Variants in C5orf15 observed in about 807,000 individuals in gnomAD.
C5orf15 encodes the protein chromosome 5 open reading frame 15, also known as keratinocyte-associated transmembrane protein 2.
Under a neutral mutation model 17.8 loss-of-function variants are expected in C5orf15, and 10 were observed. The ratio of observed to expected loss-of-function variants is 0.56; its 90% CI spans 0.35 to 0.95. The LOEUF is 0.95. Ranked by LOEUF, C5orf15 falls within the 40% of genes least tolerant of loss-of-function variation. C5orf15 has a pLI of 0.02. For missense variants in C5orf15, 319 were observed against 331.7 expected, an observed-to-expected ratio of 0.96 and a Z score of 0.30; for synonymous variants, 124 against 131.0, an observed-to-expected ratio of 0.95 and a Z score of 0.36.
chr5:133,961,283 CGCCTGTAATCCCAGCACTTTGG>C (rs1246780278), intron 1 of C5orf15, among the ~76,000 whole-genome samples: 1 of 142,600 alleles, frequency 7.0e-6, no homozygotes, highest in East Asian at 2.0e-4. Flanking sequence ...CTGTGGCTCA[CGCCTGTAATCCCAGCACTTTGG>C]GAGGCCGAGG....
Position 133,956,784 on chromosome 5 carries a change from T to A in C5orf15, c.*75A>T. ...CTCTCATTTAAGTACCAATTGCCTA[T>A]GGCAAACATTTGCACAATATCATAT... is the stretch of plus-strand genomic sequence containing the variant. On this transcript the variant is annotated 3_prime_UTR_variant, in exon 3 of 3. Coordinates refer to ENST00000231512, the MANE Select transcript of C5orf15 (RefSeq NM_020199.3). The A allele has an allele frequency of 6.8e-7, 1 of 1,465,534 alleles. No homozygotes were observed. Among genetic ancestry groups the A allele is most frequent in the Non-Finnish European group, 9.1e-7 (1 of 1,100,384 alleles). The allele number at this position is 1,465,534 out of a possible 1,614,324, so 90.8% of individuals were successfully genotyped here. A position where few individuals can be genotyped will look rare whatever the true frequency, so the allele number is the denominator to read the frequency against.
chr5:133,961,232 T>TTA (rs1450707193), intron 1 of C5orf15, among the ~76,000 whole-genome samples: 50 of 30,438 alleles, frequency 1.6e-3, no homozygotes, highest in Admixed American at 2.0e-3. Context: ...AGTCAGTTAG[T>TTA]AAAAAAAAAA....
chr5:133,965,068 T>A (rs149914460), intron 1 of C5orf15, among the ~76,000 whole-genome samples: 23 of 152,232 alleles, frequency 1.5e-4, no homozygotes, highest in Non-Finnish European at 3.2e-4. Context: ...CTGGCCCCCA[T>A]TACCTCACTC....
intron 2 of C5orf15, among the ~76,000 whole-genome samples, chr5:133,958,653 T>C (rs2126876289): frequency 6.7e-6 from 1 of 148,526 alleles, no homozygotes; most frequent in South Asian, 2.1e-4. Flanking sequence ...CCTATATGTA[T>C]AAATTATATG....
rs1440258977 is a variant in C5orf15, at chr5:133,959,702, T to C, written c.458A>G (p.Tyr153Cys). The part of the protein sequence containing the change: ...LDNGDYGEPD[Y>C]DWTTGPRDDD... ...GTCCCTGGGGCCCGTGGTCCAGTCA[T>C]AGTCTGGTTCTCCATAATCGCCATT... Residue 153 changes from tyrosine (Y) to cysteine (C), a missense_variant, in exon 2 of 3, where the codon TAT becomes TGT. Tyr to Cys is a radical substitution (Grantham distance 194). Transcript: ENST00000231512. 1 of 1,613,644 alleles carries C rather than the reference T, an allele frequency of 6.2e-7. No homozygotes were observed. Among genetic ancestry groups the C allele is most frequent in the Non-Finnish European group, 8.5e-7 (1 of 1,179,726 alleles).
rs916844551 is a variant in C5orf15, at chr5:133,957,791, C to T, written c.667-801G>A. ...TTTGTCAGGTAAGGAAATCAAGGCC[C>T]CGAAGGGGAAGGTGGCTTACAGTGT... On this transcript the variant is annotated intron_variant, in intron 2 of 2. Transcript: ENST00000231512. Among the ~76,000 whole-genome samples, 11 of 152,160 alleles carry T rather than the reference C, an allele frequency of 7.2e-5. No individual in the cohort carries two copies. The East Asian group carries it at 1.5e-3, about 21-fold the overall frequency.
At chr5:133,966,091 G>A (rs773378803) in intron 1 of C5orf15, among the ~76,000 whole-genome samples, 1 of 151,712 alleles carries the variant, frequency 6.6e-6, no homozygotes, top group Non-Finnish European at 1.5e-5. Context: ...GGTGTGGTGC[G>A]CGCCTGTAGT....
rs539108232 is a variant in C5orf15, at chr5:133,960,044, AC to A, written c.140-25del. Reference sequence around the variant, plus strand: ...AACTGAAACAAACAAAGAATATCAAACTGAAATCTCCAACTTTATCTCCACC... The same window carrying A: ...AACTGAAACAAACAAAGAATATCAAATGAAATCTCCAACTTTATCTCCACC... On this transcript the variant is annotated intron_variant, in intron 1 of 2. Coordinates refer to ENST00000231512, the MANE Select transcript of C5orf15 (RefSeq NM_020199.3). The A allele has an allele frequency of 1.2e-5, 18 of 1,555,008 alleles. No individual in the cohort carries two copies. In the East Asian group the frequency reaches 4.1e-4, roughly 35 times the overall value.
At chr5:133,965,648 G>A (rs1294721723) in intron 1 of C5orf15, among the ~76,000 whole-genome samples, 5 of 152,306 alleles carry the variant, frequency 3.3e-5, no homozygotes, top group South Asian at 2.1e-4. Flanking sequence ...AGCTTAGGCC[G>A]GACACGGTGG....
intron 2 of C5orf15, among the ~76,000 whole-genome samples, chr5:133,958,406 G>A (rs1403763031): frequency 1.3e-5 from 2 of 151,510 alleles, no homozygotes; most frequent in East Asian, 1.9e-4. Flanking sequence ...GCAAAACCCC[G>A]TCTCTACTAA....
chr5:133,959,428 A>AAAAT, intron 2 of C5orf15, 66 bp downstream of exon 2: 1 of 612,444 alleles, frequency 1.6e-6, no homozygotes, highest in Non-Finnish European at 2.4e-6. Flanking sequence ...AAAAAAAAAA[A>AAAAT]GAACCATGAA....
At chr5:133,963,982 G>C (rs956110917) in intron 1 of C5orf15, among the ~76,000 whole-genome samples, 1 of 152,156 alleles carries the variant, frequency 6.6e-6, no homozygotes, top group African/African-American at 2.4e-5. Flanking sequence ...ACTTTGGGAG[G>C]CCAAGGCAGG....
chr5:133,957,261 G>A (rs1021667932), intron 2 of C5orf15, among the ~76,000 whole-genome samples: 3 of 151,906 alleles, frequency 2.0e-5, no homozygotes, highest in Admixed American at 2.0e-4. Context: ...CTACTCAGGA[G>A]GCTAAGGTGG....
chr5:133,956,815 G>A lies in C5orf15; in HGVS notation c.*44C>T, dbSNP rs374778255. 1 of 1,555,910 alleles carries A rather than the reference G, an allele frequency of 6.4e-7. No homozygotes were observed. Among genetic ancestry groups the A allele is most frequent in the Non-Finnish European group, 8.7e-7 (1 of 1,154,346 alleles). On this transcript the variant is annotated 3_prime_UTR_variant, in exon 3 of 3. Coordinates refer to ENST00000231512, the MANE Select transcript of C5orf15 (RefSeq NM_020199.3). ...ACATTTGCACAATATCATATAAAAA[G>A]TCAAGCAAATAAAATTACATAAGCA...
At chr5:133,960,571 C>T (rs988624429) in intron 1 of C5orf15, among the ~76,000 whole-genome samples, 1 of 152,082 alleles carries the variant, frequency 6.6e-6, no homozygotes, top group African/African-American at 2.4e-5. Flanking sequence ...AGAGGACTCC[C>T]TCTCCTAAAT....
intron 1 of C5orf15, 34 bp downstream of exon 1, chr5:133,968,412 G>C (rs776475607): frequency 1.9e-6 from 3 of 1,594,324 alleles, no homozygotes; most frequent in Admixed American, 1.7e-5. Context: ...AGCCCTCCTA[G>C]CCTTCCTAAG....
At position 133,955,775 on chromosome 5, in the gene C5orf15, C is replaced by T. The variant is rs1017851877; in HGVS notation, c.*1084G>A. The stretch of plus-strand genomic sequence containing the variant: ...TGTTTTCTAAAAAGCTGTAGTGACA[C>T]TTGTAAGTCAACCATGGTTCAAATC... On this transcript the variant is annotated 3_prime_UTR_variant, in exon 3 of 3. Coordinates refer to ENST00000231512, the MANE Select transcript of C5orf15 (RefSeq NM_020199.3). 21 of 152,482 alleles carry T rather than the reference C, an allele frequency of 1.4e-4. No individual in the cohort carries two copies. The highest frequency in any genetic ancestry group is 5.1e-4 in the African/African-American group (21 of 41,444). 9.4% of individuals were successfully genotyped at this position (152,482 alleles called of 1,614,324 possible). A position where few individuals can be genotyped will look rare whatever the true frequency, so the allele number is the denominator to read the frequency against.
At chr5:133,963,144 T>C (rs1218468222) in intron 1 of C5orf15, among the ~76,000 whole-genome samples, 1 of 152,238 alleles carries the variant, frequency 6.6e-6, no homozygotes, top group African/African-American at 2.4e-5. Flanking sequence ...CTGTTGGCAA[T>C]TAAAATTGTT....
At chr5:133,963,909 T>C (rs898415000) in intron 1 of C5orf15, among the ~76,000 whole-genome samples, 3 of 152,168 alleles carry the variant, frequency 2.0e-5, no homozygotes, top group African/African-American at 7.2e-5. Context: ...TACCATAGAA[T>C]ATTACTCAGC....
Sources: gnomAD v4.1 joint callset for allele counts (sites outside exome capture counted in the v4.1 genomes callset) on GRCh38, gnomAD v4.1.1 for gene constraint, MANE v1.5 for transcripts, NCBI Gene and HGNC (gene_info 2026-07-23, HGNC 2026-07-21) for gene names.